Variants in ZPBP2 observed in about 807,000 individuals in gnomAD.
The protein encoded by ZPBP2 is zona pellucida-binding protein 2.
Under a neutral mutation model 37.5 loss-of-function variants are expected in ZPBP2, and 34 were observed. The ratio of observed to expected loss-of-function variants is 0.91; its 90% CI spans 0.69 to 1.21. The LOEUF is 1.21. Among genes scored for constraint, ZPBP2 ranks in the 50% most tolerant of loss-of-function variants. ZPBP2 has a pLI of 0.00. For missense variants in ZPBP2, 397 were observed against 413.5 expected (o/e 0.96, Z 0.35); for synonymous variants, 143 against 138.4 (o/e 1.03, Z -0.23).
Position 39,875,368 on chromosome 17 carries a change from C to T in ZPBP2, c.823C>T (p.Leu275=), listed in dbSNP as rs2063384581. 6.2e-7 allele frequency: 1 copy of T among 1,614,086 alleles called. No individual in the cohort carries two copies. The change falls in exon 7 of 8, where the codon CTG becomes TTG. Residue 275 remains leucine (L), a synonymous_variant. Coordinates refer to ENST00000348931, the MANE Select transcript of ZPBP2 (RefSeq NM_199321.3). ...GGACCACAGTTTGCAAGTAGTACGT[C>T]TGGATAGCTGTCGACCAGGCTTTGG... The part of the protein sequence containing the change: ...FVDHSLQVVR[L]DSCRPGFGKN...
Position 39,870,912 on chromosome 17 carries a change from A to G in ZPBP2, c.244+93A>G, listed in dbSNP as rs1054597340. On this transcript the variant is annotated intron_variant, in intron 3 of 7. Coordinates refer to ENST00000348931, the MANE Select transcript of ZPBP2 (RefSeq NM_199321.3). ...ATTGGAAAGAACAAATTGAAATTTA[A>G]TTTTAATGGCAGTTTCTCTTGCTCC... The G allele has an allele frequency of 3.1e-5, 35 of 1,135,596 alleles. No homozygotes were observed. In the South Asian group the frequency reaches 7.5e-4, roughly 24 times the overall value. The allele number at this position is 1,135,596 out of a possible 1,614,324, so 70.3% of individuals were successfully genotyped here.
Position 39,872,273 on chromosome 17 carries a change from A to G in ZPBP2, c.410A>G (p.Tyr137Cys), listed in dbSNP as rs2063368407. The G allele has an allele frequency of 6.3e-7, 1 of 1,587,058 alleles. No homozygotes were observed. Among genetic ancestry groups the G allele is most frequent in the Non-Finnish European group, 8.5e-7 (1 of 1,170,746 alleles). ...CATCTTTCTTTTTTTTTTAAAGCCT[A>G]TCGGGAACCTGATTATTCATATCAG... The part of the protein sequence containing the change: ...KKRYDFMVFA[Y>C]REPDYSYQMA... The change falls in exon 5 of 8, where the codon TAT becomes TGT. Residue 137 changes from tyrosine (Y) to cysteine (C), a missense_variant. Physicochemically the swap from Tyr to Cys is radical, Grantham distance 194. Coordinates refer to ENST00000348931, the MANE Select transcript of ZPBP2 (RefSeq NM_199321.3).
intron 2 of ZPBP2, among the ~76,000 whole-genome samples, chr17:39,870,003 C>T (rs1353052423): frequency 2.6e-5 from 4 of 152,000 alleles, no homozygotes; most frequent in East Asian, 1.9e-4. Context: ...CATGAGCCAC[C>T]GCTCCCAGCT....
Position 39,876,824 on chromosome 17 carries a change from T to C in ZPBP2, c.*15T>C, listed in dbSNP as rs1362405845. 5.6e-6 allele frequency: 9 copies of C among 1,612,860 alleles called. No individual in the cohort carries two copies. On this transcript the variant is annotated 3_prime_UTR_variant, in exon 8 of 8. Transcript: ENST00000348931. Reference sequence around the variant, plus strand: ...ATGAAGATTAGAGGTGAAAGCATTGTTACTTACTTGTGGAAGTCGGGGACA... The same window carrying C: ...ATGAAGATTAGAGGTGAAAGCATTGCTACTTACTTGTGGAAGTCGGGGACA...
At chr17:39,872,663 T>G (rs965259059) in intron 5 of ZPBP2, among the ~76,000 whole-genome samples, 175 bp downstream of exon 5, 9 of 152,054 alleles carry the variant, frequency 5.9e-5, no homozygotes, top group Admixed American at 5.9e-4. Flanking sequence ...ACACACTAAT[T>G]AATTACTTTC....
Position 39,868,310 on chromosome 17 carries a change from G to T in ZPBP2, c.-45G>T. The T allele has an allele frequency of 6.3e-7, 1 of 1,598,446 alleles. No homozygotes were observed. Among genetic ancestry groups the T allele is most frequent in the Non-Finnish European group, 8.5e-7 (1 of 1,176,688 alleles). On this transcript the variant is annotated 5_prime_UTR_variant, in exon 1 of 8. The change creates a new upstream start codon in the 5' untranslated region. Coordinates refer to ENST00000348931, the MANE Select transcript of ZPBP2 (RefSeq NM_199321.3). ...GTGTTGGGCCAGGGCTGAGGTAGGAGGGAGTCTGTCCCTCGACGCCTCCTG... is the reference window on the plus strand; with the variant it reads ...GTGTTGGGCCAGGGCTGAGGTAGGATGGAGTCTGTCCCTCGACGCCTCCTG...
intron 2 of ZPBP2, among the ~76,000 whole-genome samples, chr17:39,869,291 G>T (rs2063350461): frequency 6.6e-6 from 1 of 151,920 alleles, no homozygotes; most frequent in African/African-American, 2.4e-5. Flanking sequence ...TTCCTAATAT[G>T]CCCAGATAGG....
In ZPBP2 at chr17:39,870,609, G is replaced by A. The variant is rs2063360401; in HGVS notation, c.119-85G>A. Reference sequence around the variant, plus strand: ...TGAAATCCAACAAGAACTAATTCGTGTCTTCAGCACAAAATGGTAGGAGTA... The same window carrying A: ...TGAAATCCAACAAGAACTAATTCGTATCTTCAGCACAAAATGGTAGGAGTA... On this transcript the variant is annotated intron_variant, in intron 2 of 7. Coordinates refer to ENST00000348931, the MANE Select transcript of ZPBP2 (RefSeq NM_199321.3). 5 of 766,642 alleles carry A rather than the reference G, an allele frequency of 6.5e-6. No individual in the cohort carries two copies. In the Admixed American group the frequency reaches 1.1e-4, roughly 16 times the overall value. 47.5% of individuals were successfully genotyped at this position (766,642 alleles called of 1,614,324 possible).
In ZPBP2 at chr17:39,875,306, A is replaced by G. The variant is rs549758768; in HGVS notation, c.761A>G (p.His254Arg). The G allele has an allele frequency of 4.3e-6, 7 of 1,613,994 alleles. No individual in the cohort carries two copies. The highest frequency in any genetic ancestry group is 1.1e-5 in the South Asian group (1 of 91,008). ...CGGAGCCAAGCATATATTTTCTACC[A>G]TAACTTTAATAAAACTCTACCAGCA... ...FFRSQAYIFYHNFNKTLPAMH... is the reference protein window; with the variant it reads ...FFRSQAYIFYRNFNKTLPAMH... Residue 254 changes from histidine to arginine, a missense_variant, in exon 7 of 8, where the codon CAT becomes CGT. By Grantham distance (29) the His-to-Arg change is conservative. Transcript: ENST00000348931.
At chr17:39,873,919 A>C (rs1264215875) in intron 6 of ZPBP2, among the ~76,000 whole-genome samples, 1 of 152,160 alleles carries the variant, frequency 6.6e-6, no homozygotes. Flanking sequence ...GTTATTATTA[A>C]ATTCTGTGCT....
chr17:39,872,528 T>C (rs368960271), intron 5 of ZPBP2, 40 bp downstream of exon 5: 8 of 1,291,518 alleles, frequency 6.2e-6, no homozygotes, highest in Middle Eastern at 2.6e-4. Flanking sequence ...AATTTAGTCC[T>C]GAACCATAAT....
chr17:39,875,166 T>TA (rs2144645910), intron 6 of ZPBP2, 88 bp from the exon 7 acceptor site: 1 of 1,205,766 alleles, frequency 8.3e-7, no homozygotes, highest in Non-Finnish European at 1.2e-6. Flanking sequence ...ATGGCATGCT[T>TA]ACAGTACATT....
intron 3 of ZPBP2, 35 bp downstream of exon 3, chr17:39,870,854 T>C (rs2063361924): frequency 7.0e-7 from 1 of 1,430,610 alleles, no homozygotes; most frequent in African/African-American, 1.4e-5. Context: ...TTTTTAATGA[T>C]GTGAACATAT....
chr17:39,871,357 G>C (rs917973102), intron 3 of ZPBP2, 107 bp from the exon 4 acceptor site: 2 of 668,778 alleles, frequency 3.0e-6, no homozygotes, highest in Non-Finnish European at 4.6e-6. Context: ...TTAAAGTTGA[G>C]ATAGTTCATT....
At chr17:39,876,525 C>T (rs2063391395) in intron 7 of ZPBP2, among the ~76,000 whole-genome samples, 157 bp from the exon 8 acceptor site, 1 of 152,014 alleles carries the variant, frequency 6.6e-6, no homozygotes, top group Non-Finnish European at 1.5e-5. Context: ...CATAATCTTC[C>T]ACAACTTAAA....
At chr17:39,875,164 C>A in intron 6 of ZPBP2, 90 bp from the exon 7 acceptor site, 1 of 1,183,898 alleles carries the variant, frequency 8.4e-7, no homozygotes, top group Non-Finnish European at 1.2e-6. Flanking sequence ...GTATGGCATG[C>A]TTACAGTACA....
chr17:39,872,058 A>C (rs1333396325), intron 4 of ZPBP2, among the ~76,000 whole-genome samples: 2 of 152,126 alleles, frequency 1.3e-5, no homozygotes, highest in Admixed American at 6.5e-5. Flanking sequence ...TGTTGTACCA[A>C]GTAGATAATG....
chr17:39,873,212 G>T, intron 6 of ZPBP2, 86 bp downstream of exon 6: 1 of 1,188,712 alleles, frequency 8.4e-7, no homozygotes, highest in South Asian at 1.5e-5. Flanking sequence ...GCAGTGGTGC[G>T]ACCATAGCTC....
In ZPBP2 at chr17:39,875,516, T is replaced by C. The variant is rs1023742905; in HGVS notation, c.889+82T>C. ...AAGTAATTCACTTGGCATAACTGAA[T>C]AGAATCTTTACAGTGATTCTCTTAC... On this transcript the variant is annotated intron_variant, in intron 7 of 7. Coordinates refer to ENST00000348931, the MANE Select transcript of ZPBP2 (RefSeq NM_199321.3). 1.1e-5 allele frequency: 12 copies of C among 1,047,262 alleles called. No homozygotes were observed. In the African/African-American group the frequency reaches 2.0e-4, roughly 17 times the overall value. 64.9% of individuals were successfully genotyped at this position (1,047,262 alleles called of 1,614,324 possible).
Sources: gnomAD v4.1 joint callset for allele counts (sites outside exome capture counted in the v4.1 genomes callset) on GRCh38, gnomAD v4.1.1 for gene constraint, MANE v1.5 for transcripts, NCBI Gene and HGNC (gene_info 2026-07-23, HGNC 2026-07-21) for gene names.